The following KRT34 variants were observed in gnomAD, a reference collection of about 807,000 sequenced individuals.
The protein encoded by KRT34 is keratin, type I cuticular Ha4.
KRT34 carries 31 observed loss-of-function variants against 41.7 expected under a neutral mutation model. The observed-to-expected ratio is 0.74, with a 90% CI of 0.56 to 1.00. The LOEUF (loss-of-function observed/expected upper bound fraction) is 1.00, where lower values mean the gene tolerates loss of function less well. Ranked by LOEUF, KRT34 falls within the 50% of genes least tolerant of loss-of-function variation. KRT34 has a pLI of 0.00. For missense variants in KRT34, 523 were observed against 500.3 expected (o/e 1.05, Z -0.43); for synonymous variants, 224 against 212.9 (o/e 1.05, Z -0.45).
chr17:41,382,643 C>T (rs35262443), upstream of KRT34, among the ~76,000 whole-genome samples: 10,515 of 152,248 alleles, frequency 0.069, 487 homozygotes, highest in Non-Finnish European at 0.099. Context: ...AGGGATTCCT[C>T]ACCCAGGAGT....
At chr17:41,378,168 G>T in intron 6 of KRT34, 22 bp from the exon 7 acceptor site, 2 of 1,569,596 alleles carry the variant, frequency 1.3e-6, no homozygotes, top group Non-Finnish European at 1.8e-6. Flanking sequence ...AGGAGGTTTA[G>T]AATGGCTTTA....
At position 41,379,683 on chromosome 17, in the gene KRT34, C is replaced by G; in HGVS notation, c.637G>C (p.Val213Leu). The change falls in exon 4 of 7, where the codon GTG becomes CTG. Residue 213 changes from valine (V) to leucine (L), a missense_variant. Coordinates refer to ENST00000394001, the MANE Select transcript of KRT34 (RefSeq NM_001386014.1). ...AGGTCCACAGTGGGGGCAGTGTCCA[C>G]CTCCACGTTGAGGCGGTCTCCAAGC... ...SQLGDRLNVEVDTAPTVDLNQ... is the reference protein window; with the variant it reads ...SQLGDRLNVELDTAPTVDLNQ... The G allele has an allele frequency of 6.2e-7, 1 of 1,613,884 alleles. No homozygotes were observed. The highest frequency in any genetic ancestry group is 8.5e-7 in the Non-Finnish European group (1 of 1,179,884).
Position 41,382,007 on chromosome 17 carries a change from G to T in KRT34, c.240C>A (p.Asp80Glu). 2 of 1,614,266 alleles carry T rather than the reference G, an allele frequency of 1.2e-6. No individual in the cohort carries two copies. The highest frequency in any genetic ancestry group is 8.5e-7 in the Non-Finnish European group (1 of 1,180,050). ...YLEKVRQLER[D>E]NAELEKLIQE... ...GGATGAGTTTCTCCAGCTCCGCGTTGTCCCGCTCCAGCTGACGCACCTTCT... is the reference window on the plus strand; with the variant it reads ...GGATGAGTTTCTCCAGCTCCGCGTTTTCCCGCTCCAGCTGACGCACCTTCT... Residue 80 changes from aspartate (D) to glutamate (E), a missense_variant, in exon 1 of 7, where the codon GAC (aspartate) becomes GAA (glutamate). Coordinates refer to ENST00000394001, the MANE Select transcript of KRT34 (RefSeq NM_001386014.1).
In KRT34 at chr17:41,381,290, G is replaced by A. The variant is rs145736929; in HGVS notation, c.432-78C>T. The A allele has an allele frequency of 2.5e-4, 369 of 1,457,454 alleles. 1 individual carries two copies. Among genetic ancestry groups the A allele is most frequent in the Admixed American group, 8.6e-4 (43 of 49,848 alleles). The allele number at this position is 1,457,454 out of a possible 1,614,324, so 90.3% of individuals were successfully genotyped here. On this transcript the variant is annotated intron_variant, in intron 2 of 6. Coordinates refer to ENST00000394001, the MANE Select transcript of KRT34 (RefSeq NM_001386014.1). ...CTCATGTGTTGTTTGGGTAGAATTG[G>A]CCTGAATCTTCTTGAACTTACAGTT...
chr17:41,379,098 T>G lies in KRT34; in HGVS notation c.955A>C (p.Thr319Pro). The change falls in exon 6 of 7, where the codon ACC becomes CCC. Residue 319 changes from threonine to proline, a missense_variant. Coordinates refer to ENST00000394001, the MANE Select transcript of KRT34 (RefSeq NM_001386014.1). ...TCTGCCAGCTGAGACTCCACGTTGG[T>G]GATCAGGCTCTGCACCTGGGACAGC... ...SQLSQVQSLI[T>P]NVESQLAEIR... 1 of 1,614,226 alleles carries G rather than the reference T, an allele frequency of 6.2e-7. No individual in the cohort carries two copies. Among genetic ancestry groups the G allele is most frequent in the Non-Finnish European group, 8.5e-7 (1 of 1,180,044 alleles).
rs771464925 is a variant in KRT34 at position 41,378,147 on chromosome 17, C to T, written c.1098-1G>A. On this transcript the variant is annotated splice_acceptor_variant, in intron 6 of 6. Coordinates refer to ENST00000394001, the MANE Select transcript of KRT34 (RefSeq NM_001386014.1). LOFTEE classifies it high-confidence loss of function. ...GGTGGCGCATGGGTTGCAGGGGAGCCTAGGAGGACAAGGAGGTTTAGAATG... is the reference window on the plus strand; with the variant it reads ...GGTGGCGCATGGGTTGCAGGGGAGCTTAGGAGGACAAGGAGGTTTAGAATG... 1 of 1,611,740 alleles carries T rather than the reference C, an allele frequency of 6.2e-7. No homozygotes were observed. Among genetic ancestry groups the T allele is most frequent in the African/African-American group, 1.3e-5 (1 of 74,966 alleles).
chr17:41,381,416 A>T (rs2017982784), intron 2 of KRT34, among the ~76,000 whole-genome samples: 1 of 152,186 alleles, frequency 6.6e-6, no homozygotes, highest in African/African-American at 2.4e-5. Flanking sequence ...ACAGGCACAC[A>T]TGAGATGAAG....
chr17:41,379,637 G>A lies in KRT34; in HGVS notation c.683C>T (p.Thr228Ile), dbSNP rs2017935798. 6.2e-7 allele frequency: 1 copy of A among 1,614,122 alleles called. No homozygotes were observed. Among genetic ancestry groups the A allele is most frequent in the Non-Finnish European group, 8.5e-7 (1 of 1,179,974 alleles). Residue 228 changes from threonine (T) to isoleucine (I), a missense_variant, in exon 4 of 7, where the codon ACC becomes ATC. Coordinates refer to ENST00000394001, the MANE Select transcript of KRT34 (RefSeq NM_001386014.1). ...CACCAGAGCCTCATACTGACTCCTGGTCTCGTTCAGGACCTGGTTCAGGTC... is the reference window on the plus strand; with the variant it reads ...CACCAGAGCCTCATACTGACTCCTGATCTCGTTCAGGACCTGGTTCAGGTC... Reference protein sequence around the residue: ...TVDLNQVLNETRSQYEALVEI... With the variant: ...TVDLNQVLNEIRSQYEALVEI...
In KRT34 at chr17:41,379,406, G is replaced by C. The variant is rs2144324666; in HGVS notation, c.823C>G (p.Leu275Val). 1 of 1,613,810 alleles carries C rather than the reference G, an allele frequency of 6.2e-7. No homozygotes were observed. Among genetic ancestry groups the C allele is most frequent in the East Asian group, 2.2e-5 (1 of 44,882 alleles). ...LQSCQAEIIE[L>V]RRTVNALEIE... ...TCCAGGGCGTTGACTGTGCGTCTCA[G>C]CTCGATGATCTCCGCCTGGCAGGAC... Residue 275 changes from leucine (L) to valine (V), a missense_variant, in exon 5 of 7, where the codon CTG becomes GTG. Physicochemically the swap from Leu to Val is conservative, Grantham distance 32. Coordinates refer to ENST00000394001, the MANE Select transcript of KRT34 (RefSeq NM_001386014.1).
chr17:41,378,673 A>T lies in KRT34; in HGVS notation c.1097+283T>A, dbSNP rs566886684. ...TGGAAAAATTGTGCTTTTCAAAAAT[A>T]TTATCTCATACTCTTGAGGTCTCCT... On this transcript the variant is annotated intron_variant, in intron 6 of 6. Transcript: ENST00000394001. 2.0e-5 allele frequency among the ~76,000 whole-genome samples: 3 copies of T among 152,274 alleles called. No homozygotes were observed. In the South Asian group the frequency reaches 6.2e-4, roughly 32 times the overall value.
rs753797165 is a variant in KRT34, at chr17:41,378,966, C to A, written c.1087G>T (p.Glu363Ter). The stretch of plus-strand genomic sequence containing the variant: ...TTGCCCCATACTCACTTGCAGTCCT[C>A]ACTCTCCAGGAGGCTCCGGTACGTG... ...INTYRSLLESEDCKLPCNPCA... is the reference protein window; with the variant it reads ...INTYRSLLES Residue 363 changes from glutamate to a stop codon, truncating the protein, a stop_gained, in exon 6 of 7, where the codon GAG becomes TAG. Transcript: ENST00000394001. LOFTEE classifies it high-confidence loss of function. 1 of 1,614,188 alleles carries A rather than the reference C, an allele frequency of 6.2e-7. No individual in the cohort carries two copies. Among genetic ancestry groups the A allele is most frequent in the Non-Finnish European group, 8.5e-7 (1 of 1,180,020 alleles).
At chr17:41,382,370 C>T, upstream of KRT34, 1 of 1,606,014 alleles carries the variant, frequency 6.2e-7, no homozygotes, top group Non-Finnish European at 8.5e-7. Context: ...TGGCATACAG[C>T]ATAGTTTCCT....
chr17:41,381,359 G>C (rs1281587988), intron 2 of KRT34, 147 bp from the exon 3 acceptor site: 20 of 867,878 alleles, frequency 2.3e-5, no homozygotes, highest in Non-Finnish European at 3.1e-5. Flanking sequence ...GCTGTCCATG[G>C]ATAGGCTGAA....
rs1026068051 is a variant in KRT34 at position 41,381,941 on chromosome 17, G to A, written c.306C>T (p.Ser102=). The A allele has an allele frequency of 6.8e-6, 11 of 1,614,280 alleles. No individual in the cohort carries two copies. The highest frequency in any genetic ancestry group is 7.6e-6 in the Non-Finnish European group (9 of 1,180,052). ...CAATGGTCTTGAAGTAGGACTGGTA[G>A]CTGGGGCACAGCAAGGGCTCCTGCT... ...SQQQEPLLCP[S]YQSYFKTIEE... Residue 102 remains serine, a synonymous_variant, in exon 1 of 7, where the codon AGC becomes AGT. Coordinates refer to ENST00000394001, the MANE Select transcript of KRT34 (RefSeq NM_001386014.1).
rs1428579494 is a variant in KRT34 at position 41,378,000 on chromosome 17, T to A, written c.*59A>T. On this transcript the variant is annotated 3_prime_UTR_variant, in exon 7 of 7. Transcript: ENST00000394001. Reference sequence around the variant, plus strand: ...CTCCAGAAAAGTCAGGACTTGAGGATCCTTCCTGTGGTTGATCTAAATGGC... The same window carrying A: ...CTCCAGAAAAGTCAGGACTTGAGGAACCTTCCTGTGGTTGATCTAAATGGC... 1.6e-6 allele frequency: 2 copies of A among 1,272,514 alleles called. No homozygotes were observed. Among genetic ancestry groups the A allele is most frequent in the Admixed American group, 1.7e-5 (1 of 57,302 alleles). 78.8% of individuals were successfully genotyped at this position (1,272,514 alleles called of 1,614,324 possible). A position where few individuals can be genotyped will look rare whatever the true frequency, so the allele number is the denominator to read the frequency against.
chr17:41,379,168 A>C lies in KRT34; in HGVS notation c.885T>G (p.Ser295=). 6.2e-7 allele frequency: 1 copy of C among 1,614,198 alleles called. No homozygotes were observed. Among genetic ancestry groups the C allele is most frequent in the Non-Finnish European group, 8.5e-7 (1 of 1,180,028 alleles). Residue 295 remains serine (S), a synonymous_variant, in exon 6 of 7, where the codon TCT becomes TCG. Coordinates refer to ENST00000394001, the MANE Select transcript of KRT34 (RefSeq NM_001386014.1). ...ELQAQHNLRD[S]LENTLTESEA... ...CGCTCTCCGTCAGCGTGTTTTCCAG[A>C]GAGTCTCGCTGTGGTGGGGAAGATC... is the stretch of plus-strand genomic sequence containing the variant.
rs760449691 is a variant in KRT34, at chr17:41,378,963, C to T, written c.1090G>A (p.Asp364Asn). The change falls in exon 6 of 7, where the codon GAC becomes AAC. Residue 364 changes from aspartate (D) to asparagine (N), a missense_variant. Transcript: ENST00000394001. The part of the protein sequence containing the change: ...NTYRSLLESE[D>N]CKLPCNPCAT... ...TATTTGCCCCATACTCACTTGCAGT[C>T]CTCACTCTCCAGGAGGCTCCGGTAC... 3.7e-6 allele frequency: 6 copies of T among 1,614,062 alleles called. No individual in the cohort carries two copies. The South Asian group carries it at 5.5e-5, about 15-fold the overall frequency.
Sources: allele counts gnomAD v4.1 joint callset (sites outside exome capture counted in the v4.1 genomes callset), GRCh38; gene constraint gnomAD v4.1.1; transcripts MANE v1.5; gene names NCBI Gene and HGNC (gene_info 2026-07-23, HGNC 2026-07-21).